DRC11: variants seen among roughly 807,000 people sequenced by gnomAD.
DRC11 encodes dynein regulatory complex subunit 11.
the DRC11 span, among the ~76,000 whole-genome samples, chr2:236,505,242 C>T: frequency 2.0e-5 from 3 of 152,178 alleles, no homozygotes; most frequent in Non-Finnish European, 4.4e-5. Context: ...TTTCCTATAA[C>T]GGAGTGGGTA....
At chr2:236,357,484 A>T in the DRC11 span, among the ~76,000 whole-genome samples, 1 of 127,274 alleles carries the variant, frequency 7.9e-6, no homozygotes, top group Non-Finnish European at 1.5e-5. Context: ...GTATATTTAT[A>T]TATTATAAAT....
chr2:236,324,123 C>T, the DRC11 span: 6 of 152,336 alleles, frequency 3.9e-5, no homozygotes, highest in African/African-American at 1.2e-4. The surrounding 1 kb of genome is among the most constrained non-coding windows in gnomAD (Gnocchi z 5.7). Flanking sequence ...ATCCTGTTTT[C>T]GCTCCAGCAA....
At chr2:236,449,597 G>A in the DRC11 span, among the ~76,000 whole-genome samples, 1 of 152,204 alleles carries the variant, frequency 6.6e-6, no homozygotes, top group Non-Finnish European at 1.5e-5. The surrounding 1 kb of genome is among the most constrained non-coding windows in gnomAD (Gnocchi z 5.1). Flanking sequence ...TTGCTGGCCT[G>A]GCTAGATCTG....
At chr2:236,432,344 T>G in the DRC11 span, among the ~76,000 whole-genome samples, 2 of 152,196 alleles carry the variant, frequency 1.3e-5, no homozygotes, top group East Asian at 3.8e-4. Context: ...GTAGGTATTC[T>G]GTAAATATTT....
the DRC11 span, among the ~76,000 whole-genome samples, chr2:236,464,999 C>A: frequency 6.6e-6 from 1 of 152,176 alleles, no homozygotes; most frequent in African/African-American, 2.4e-5. Context: ...AATTAAGTTT[C>A]TTTTCCTTAG....
At chr2:236,368,444 A>G in the DRC11 span, 1 of 597,228 alleles carries the variant, frequency 1.7e-6, no homozygotes, top group South Asian at 2.0e-5. Flanking sequence ...GTCATTATGA[A>G]GAACACATCT....
chr2:236,373,903 T>C, the DRC11 span, among the ~76,000 whole-genome samples: 1 of 152,178 alleles, frequency 6.6e-6, no homozygotes, highest in Non-Finnish European at 1.5e-5. Context: ...CCCATCCTGT[T>C]CAATTTTGAT....
chr2:236,470,393 C>A, the DRC11 span, among the ~76,000 whole-genome samples: 4 of 152,164 alleles, frequency 2.6e-5, no homozygotes, highest in African/African-American at 9.7e-5. The surrounding 1 kb of genome is among the most constrained non-coding windows in gnomAD (Gnocchi z 5.1). Flanking sequence ...AATTTCTCGC[C>A]ATCGTCAATG....
chr2:236,483,205 C>A, the DRC11 span, among the ~76,000 whole-genome samples: 2 of 152,144 alleles, frequency 1.3e-5, no homozygotes, highest in Non-Finnish European at 2.9e-5. This position sits in a 1 kb window ranked among gnomAD's most constrained non-coding sequence, Gnocchi z 4.8. Context: ...TGTTGCAGCA[C>A]GTGTCAGAAT....
the DRC11 span, chr2:236,465,576 T>C: frequency 8.7e-6 from 14 of 1,613,922 alleles, no homozygotes; most frequent in Non-Finnish European, 1.2e-5. The surrounding 1 kb of genome is among the most constrained non-coding windows in gnomAD (Gnocchi z 6.2). Flanking sequence ...CTATCAACTT[T>C]AGGTCATTCT....
the DRC11 span, among the ~76,000 whole-genome samples, chr2:236,492,419 A>G: frequency 1.7e-3 from 263 of 152,330 alleles, 4 homozygotes; most frequent in East Asian, 0.047. Flanking sequence ...CACACAGGGC[A>G]CTTTTTTCTC....
chr2:236,495,152 G>A, the DRC11 span, among the ~76,000 whole-genome samples: 1 of 152,128 alleles, frequency 6.6e-6, no homozygotes, highest in Non-Finnish European at 1.5e-5. This position sits in a 1 kb window ranked among gnomAD's most constrained non-coding sequence, Gnocchi z 5.6. Flanking sequence ...AGACCAGCCT[G>A]GTCAACATGG....
the DRC11 span, among the ~76,000 whole-genome samples, chr2:236,501,155 A>G: frequency 6.6e-6 from 1 of 152,198 alleles, no homozygotes; most frequent in South Asian, 2.1e-4. Flanking sequence ...CGGGAGCAGG[A>G]GCAAGAGGAA....
At chr2:236,432,219 T>A in the DRC11 span, among the ~76,000 whole-genome samples, 1 of 152,178 alleles carries the variant, frequency 6.6e-6, no homozygotes, top group Non-Finnish European at 1.5e-5. Context: ...CATCCATACA[T>A]CTTCCTTTGT....
At chr2:236,492,790 G>C in the DRC11 span, among the ~76,000 whole-genome samples, 1 of 152,248 alleles carries the variant, frequency 6.6e-6, no homozygotes, top group Non-Finnish European at 1.5e-5. Context: ...ATGACTGCAA[G>C]AATCCAGGAG....
chr2:236,361,157 G>A, the DRC11 span, among the ~76,000 whole-genome samples: 5 of 152,138 alleles, frequency 3.3e-5, no homozygotes, highest in East Asian at 1.9e-4. The surrounding 1 kb of genome is among the most constrained non-coding windows in gnomAD (Gnocchi z 5.7). Flanking sequence ...TGAAATGGGC[G>A]GATAGAGAAC....
chr2:236,501,017 G>T, the DRC11 span, among the ~76,000 whole-genome samples: 7,285 of 152,184 alleles, frequency 0.048, 589 homozygotes, highest in African/African-American at 0.16. Context: ...AATTTATAAA[G>T]AAAAGAGGTT....
the DRC11 span, chr2:236,408,697 T>G: frequency 4.5e-5 from 32 of 717,924 alleles, no homozygotes; most frequent in Non-Finnish European, 7.7e-5. The surrounding 1 kb of genome is among the most constrained non-coding windows in gnomAD (Gnocchi z 5.5). Context: ...GCCTCCTTCT[T>G]AGATTTATGC....
the DRC11 span, among the ~76,000 whole-genome samples, chr2:236,365,989 C>A: frequency 6.6e-6 from 1 of 152,170 alleles, no homozygotes; most frequent in African/African-American, 2.4e-5. This position sits in a 1 kb window ranked among gnomAD's most constrained non-coding sequence, Gnocchi z 7.4. Context: ...CTTCCTAGCC[C>A]TGTGACTCCA....
Sources: gnomAD v4.1 joint callset for allele counts (sites outside exome capture counted in the v4.1 genomes callset) on GRCh38, gnomAD v4.1.1 for gene constraint, Gnocchi (gnomAD v3.1) non-coding constraint, MANE v1.5 for transcripts, NCBI Gene and HGNC (gene_info 2026-07-23, HGNC 2026-07-21) for gene names.